RBFOX1: variants seen among roughly 807,000 people sequenced by gnomAD.
RBFOX1 encodes RNA binding protein fox-1 homolog 1.
A neutral mutation model predicts 57.7 loss-of-function variants in RBFOX1; 8 were observed. The ratio of observed to expected loss-of-function variants is 0.14; its 90% confidence interval spans 0.08 to 0.25. The LOEUF (loss-of-function observed/expected upper bound fraction) is 0.25, where lower values mean the gene tolerates loss of function less well. RBFOX1 is among the 10% of genes least tolerant of loss of function. The probability of loss-of-function intolerance (pLI) is 1.00; values close to 1 mark genes in which losing one functional copy is unlikely to be tolerated. For synonymous variants in RBFOX1, 326 were observed against 222.4 expected (o/e 1.47, Z -4.15); for missense variants, 611 against 548.5 (o/e 1.11, Z -1.14).
At chr16:6,522,035 G>A (rs931077482) in intron 2 of RBFOX1, among the ~76,000 whole-genome samples, 1 of 152,144 alleles carries the variant, frequency 6.6e-6, no homozygotes, top group Admixed American at 6.5e-5. Context: ...TCTAATGAAA[G>A]TGTTAGGAGA....
chr16:5,857,839 G>A (rs895740746), intron 3 of RBFOX1, among the ~76,000 whole-genome samples: 38 of 152,172 alleles, frequency 2.5e-4, no homozygotes, highest in African/African-American at 8.7e-4. Context: ...CCAGTTAACT[G>A]GGGAGGCTGA....
At chr16:6,463,057 T>C (rs1299805323) in intron 2 of RBFOX1, among the ~76,000 whole-genome samples, 2 of 152,222 alleles carry the variant, frequency 1.3e-5, no homozygotes, top group African/African-American at 4.8e-5. Context: ...AAGTACTTTG[T>C]GATCACTTTT....
chr16:7,315,593 A>T (rs1392404031), intron 4 of RBFOX1, among the ~76,000 whole-genome samples: 1 of 151,992 alleles, frequency 6.6e-6, no homozygotes, highest in East Asian at 1.9e-4. Context: ...AATTGAAGCA[A>T]ATATTCATTG....
intron 10 of RBFOX1, among the ~76,000 whole-genome samples, chr16:7,616,350 G>T (rs2058441651): frequency 6.6e-6 from 1 of 152,214 alleles, no homozygotes; most frequent in Non-Finnish European, 1.5e-5. Flanking sequence ...CACAGGCATA[G>T]TGTTATCAGT....
chr16:6,738,627 A>G (rs185957738), intron 3 of RBFOX1, among the ~76,000 whole-genome samples: 23 of 152,330 alleles, frequency 1.5e-4, no homozygotes, highest in Admixed American at 1.3e-3. Context: ...ACCACCATCA[A>G]CCAACAAGAT....
In RBFOX1 at chr16:6,767,958, AGAAG is replaced by A. The variant is rs2077638221; in HGVS notation, c.-16+113309_-16+113312del. ...AATAATAATAATAATAAGAAGAAGA[AGAAG>A]AAGAAGAAGAAGAAGAAGAAGAAGA... is the stretch of plus-strand genomic sequence containing the variant. On this transcript the variant is annotated intron_variant, in intron 3 of 15. Transcript: ENST00000550418. Among the ~76,000 whole-genome samples the A allele has an allele frequency of 8.5e-5, 10 of 117,118 alleles. No homozygotes were observed. In the South Asian group the frequency reaches 2.7e-3, roughly 31 times the overall value. 76.8% of individuals were successfully genotyped at this position (117,118 alleles called of 152,430 possible). A position where few individuals can be genotyped will look rare whatever the true frequency, so the allele number is the denominator to read the frequency against.
chr16:7,227,354 C>T lies in RBFOX1; in HGVS notation c.27+175256C>T, dbSNP rs145172356. Among the ~76,000 whole-genome samples the T allele has an allele frequency of 2.6e-3, 381 of 148,454 alleles. 2 individuals are homozygous for T. Among genetic ancestry groups the T allele is most frequent in the African/African-American group, 9.0e-3 (371 of 41,290 alleles). Reference sequence around the variant, plus strand: ...TGCTTTGCTCTTTTCTTTCCCTGCCCCCTCTCACTTAGCTCACTGCATAAT... The same window carrying T: ...TGCTTTGCTCTTTTCTTTCCCTGCCTCCTCTCACTTAGCTCACTGCATAAT... On this transcript the variant is annotated intron_variant, in intron 4 of 15. Coordinates refer to ENST00000550418, the MANE Select transcript of RBFOX1 (RefSeq NM_018723.4).
intron 2 of RBFOX1, among the ~76,000 whole-genome samples, chr16:6,445,749 A>C (rs2094471961): frequency 6.6e-6 from 1 of 151,750 alleles, no homozygotes; most frequent in Admixed American, 6.6e-5. Flanking sequence ...TGCCCAGTTA[A>C]TTTTTGTATT....
chr16:5,544,060 A>G (rs1011705174), intron 2 of RBFOX1, among the ~76,000 whole-genome samples: 1 of 152,188 alleles, frequency 6.6e-6, no homozygotes, highest in Admixed American at 6.5e-5. Flanking sequence ...GTCACCAACC[A>G]GTTTGACCTA....
intron 4 of RBFOX1, among the ~76,000 whole-genome samples, chr16:5,868,279 A>T (rs1226502526): frequency 6.6e-6 from 1 of 152,252 alleles, no homozygotes; most frequent in African/African-American, 2.4e-5. Context: ...TGTGACGTCC[A>T]GTGTTGCATT....
intron 1 of RBFOX1, among the ~76,000 whole-genome samples, chr16:5,438,309 G>T (rs1294971314): frequency 6.6e-6 from 1 of 152,174 alleles, no homozygotes. Context: ...CAAGTCACAG[G>T]TAGGAAAGAG....
chr16:6,201,964 C>T (rs897473574), intron 1 of RBFOX1, among the ~76,000 whole-genome samples: 1 of 152,156 alleles, frequency 6.6e-6, no homozygotes, highest in African/African-American at 2.4e-5. Flanking sequence ...TAGGTCAACT[C>T]AGGTCCCCAT....
At chr16:6,178,757 A>G (rs908252494) in intron 1 of RBFOX1, among the ~76,000 whole-genome samples, 5 of 152,182 alleles carry the variant, frequency 3.3e-5, no homozygotes, top group African/African-American at 1.2e-4. Context: ...CTGGATTAAA[A>G]TATCTGTGTT....
At chr16:5,936,281 G>C (rs142565180) in intron 4 of RBFOX1, among the ~76,000 whole-genome samples, 21 of 152,204 alleles carry the variant, frequency 1.4e-4, no homozygotes, top group African/African-American at 5.1e-4. Flanking sequence ...GTGCCAACGT[G>C]CCTGGCTAAT....
chr16:6,754,198 G>T (rs957137353), intron 3 of RBFOX1, among the ~76,000 whole-genome samples: 5 of 152,146 alleles, frequency 3.3e-5, no homozygotes, highest in African/African-American at 1.2e-4. Context: ...GGCAGCTACA[G>T]CTAGGAAAGT....
intron 2 of RBFOX1, among the ~76,000 whole-genome samples, chr16:6,429,752 C>T (rs1481114272): frequency 6.6e-6 from 1 of 152,114 alleles, no homozygotes; most frequent in African/African-American, 2.4e-5. Context: ...TGCCTGCTGC[C>T]ATGTAAGATG....
intron 4 of RBFOX1, among the ~76,000 whole-genome samples, chr16:5,932,128 G>T (rs780938603): frequency 2.6e-5 from 4 of 152,302 alleles, no homozygotes; most frequent in East Asian, 1.9e-4. Flanking sequence ...TTGGTCCTAA[G>T]AGAGGAAGAA....
intron 5 of RBFOX1, among the ~76,000 whole-genome samples, chr16:7,563,070 G>C (rs1038346671): frequency 6.6e-6 from 1 of 152,184 alleles, no homozygotes; most frequent in Non-Finnish European, 1.5e-5. Flanking sequence ...AAGAAGCTCT[G>C]AGGCCCTCTG....
chr16:6,644,193 C>T (rs1568016923), intron 2 of RBFOX1, among the ~76,000 whole-genome samples: 1 of 152,140 alleles, frequency 6.6e-6, no homozygotes, highest in Non-Finnish European at 1.5e-5. Context: ...AACTCATATT[C>T]AGTGACTTGT....
Sources: allele counts gnomAD v4.1 joint callset (sites outside exome capture counted in the v4.1 genomes callset), GRCh38; gene constraint gnomAD v4.1.1; transcripts MANE v1.5; gene names NCBI Gene and HGNC (gene_info 2026-07-23, HGNC 2026-07-21).